Variants in FRY observed in about 807,000 individuals in gnomAD.
FRY encodes the protein FRY microtubule binding protein, also known as protein furry homolog.
A neutral mutation model predicts 348.4 loss-of-function variants in FRY; 128 were observed. The ratio of observed to expected loss-of-function variants is 0.37; its 90% CI spans 0.32 to 0.43. The LOEUF (loss-of-function observed/expected upper bound fraction) is 0.43. FRY is among the 20% of genes least tolerant of loss of function. The pLI is 1.00. For missense variants in FRY, 2,736 were observed against 3,695.2 expected, an observed-to-expected ratio of 0.74 and a Z score of 6.73; for synonymous variants, 1,370 against 1,374.7, an observed-to-expected ratio of 1.00 and a Z score of 0.08.
intron 35 of FRY, 85 bp downstream of exon 35, chr13:32,212,467 C>A: frequency 2.3e-6 from 2 of 870,768 alleles, no homozygotes; most frequent in South Asian, 3.0e-5. Context: ...TGTGGAGTTT[C>A]ATAAATTTTA....
chr13:32,234,827 A>G (rs1488059529), intron 42 of FRY, 66 bp downstream of exon 42: 6 of 1,274,104 alleles, frequency 4.7e-6, no homozygotes, highest in Admixed American at 3.4e-5. Context: ...GGTGTAAACT[A>G]TTTTTGAGCC....
At chr13:32,275,924 T>G (rs892936831) in intron 56 of FRY, among the ~76,000 whole-genome samples, 1 of 151,556 alleles carries the variant, frequency 6.6e-6, no homozygotes, top group Non-Finnish European at 1.5e-5. Flanking sequence ...CATCACATGC[T>G]CAGTAATTAC....
intron 1 of FRY, among the ~76,000 whole-genome samples, chr13:32,035,468 G>T (rs1872462163): frequency 6.6e-6 from 1 of 152,182 alleles, no homozygotes; most frequent in Non-Finnish European, 1.5e-5. Flanking sequence ...TCTTAGGTTT[G>T]CTAGAGAACA....
chr13:32,224,304 C>T lies in FRY; in HGVS notation c.4835C>T (p.Pro1612Leu), dbSNP rs201815481. Residue 1612 changes from proline to leucine, a missense_variant, in exon 37 of 61, where the codon CCG becomes CTG. Coordinates refer to ENST00000542859, the MANE Select transcript of FRY (RefSeq NM_023037.3). ...GAGACCAAGCAGCCGCAGCCCTTAC[C>T]GATGCCTTGTACTGGAGGATGCTGG... ...ITETKQPQPL[P>L]MPCTGGCWAP... 5 of 1,613,882 alleles carry T rather than the reference C, an allele frequency of 3.1e-6. No homozygotes were observed. Among genetic ancestry groups the T allele is most frequent in the South Asian group, 2.2e-5 (2 of 91,080 alleles).
chr13:32,083,293 G>T (rs1593592902), intron 2 of FRY, among the ~76,000 whole-genome samples: 1 of 152,118 alleles, frequency 6.6e-6, no homozygotes, highest in East Asian at 1.9e-4. Flanking sequence ...AGTTCTCTTT[G>T]AAAGTCTACT....
intron 50 of FRY, 51 bp from the exon 51 acceptor site, chr13:32,254,173 C>T (rs745401596): frequency 7.5e-6 from 12 of 1,594,412 alleles, no homozygotes; most frequent in Admixed American, 1.7e-5. Context: ...TTTCGTAGCA[C>T]AAACAACCAA....
chr13:32,048,056 T>TA (rs1194104484), intron 1 of FRY, among the ~76,000 whole-genome samples: 2 of 152,230 alleles, frequency 1.3e-5, no homozygotes, highest in Non-Finnish European at 2.9e-5. Context: ...GTAACTGCTT[T>TA]ACCTGTCTGG....
chr13:32,053,995 A>C (rs1323726632), intron 1 of FRY, among the ~76,000 whole-genome samples: 1 of 152,220 alleles, frequency 6.6e-6, no homozygotes, highest in Non-Finnish European at 1.5e-5. Flanking sequence ...CTCTCAAAAA[A>C]AATTAAAAAT....
At chr13:32,188,964 G>T (rs1003531306) in intron 28 of FRY, among the ~76,000 whole-genome samples, 1 of 152,058 alleles carries the variant, frequency 6.6e-6, no homozygotes, top group Non-Finnish European at 1.5e-5. Context: ...TATTGTGTCT[G>T]CTGTTAATCG....
chr13:32,130,073 T>TC (rs1225275141), intron 7 of FRY, among the ~76,000 whole-genome samples: 3 of 144,582 alleles, frequency 2.1e-5, no homozygotes, highest in African/African-American at 7.8e-5. Flanking sequence ...TTTTTTTTTT[T>TC]CCGGTGAGAC....
In FRY at chr13:32,255,333, A is replaced by G. The variant is rs890028982; in HGVS notation, c.7416+939A>G. Among the ~76,000 whole-genome samples, 7 of 152,236 alleles carry G rather than the reference A, an allele frequency of 4.6e-5. No homozygotes were observed. The South Asian group carries it at 1.5e-3, about 32-fold the overall frequency. On this transcript the variant is annotated intron_variant, in intron 51 of 60. Coordinates refer to ENST00000542859, the MANE Select transcript of FRY (RefSeq NM_023037.3). ...TTAGGATTTCCTGCAGTAGGTAGGC[A>G]CCTCCTTACTTAACTACAGGCTTGT...
chr13:32,085,826 C>A (rs772238033), intron 2 of FRY: 1 of 517,080 alleles, frequency 1.9e-6, no homozygotes. Context: ...CTGTCAGGTG[C>A]CTGTCCTGAG....
At chr13:32,274,570 GGCA>G (rs1888404393) in intron 55 of FRY, among the ~76,000 whole-genome samples, 1 of 151,660 alleles carries the variant, frequency 6.6e-6, no homozygotes, top group Admixed American at 6.6e-5. Flanking sequence ...CAGGCGTGGT[GGCA>G]GGCACCTGTA....
chr13:32,141,045 A>T (rs761065001), intron 11 of FRY, among the ~76,000 whole-genome samples: 1 of 152,180 alleles, frequency 6.6e-6, no homozygotes, highest in Non-Finnish European at 1.5e-5. Context: ...TTTACTATTA[A>T]TCTCATTTCT....
intron 18 of FRY, among the ~76,000 whole-genome samples, chr13:32,173,037 A>C (rs1225214103): frequency 6.6e-6 from 1 of 152,250 alleles, no homozygotes; most frequent in Non-Finnish European, 1.5e-5. Context: ...AACTTTGGCC[A>C]CTTTGATTGT....
chr13:32,262,932 A>G (rs764484227), intron 53 of FRY, among the ~76,000 whole-genome samples: 1 of 152,272 alleles, frequency 6.6e-6, no homozygotes, highest in Admixed American at 6.5e-5. Context: ...GCCTTTTGGC[A>G]TACTATCAGA....
chr13:32,091,650 G>A (rs1289011682), intron 2 of FRY, among the ~76,000 whole-genome samples: 2 of 152,194 alleles, frequency 1.3e-5, no homozygotes, highest in Middle Eastern at 6.3e-3. Flanking sequence ...CATGGGGTGA[G>A]GAAGCTCACC....
intron 11 of FRY, among the ~76,000 whole-genome samples, chr13:32,140,135 A>G (rs931294540): frequency 3.5e-4 from 53 of 151,950 alleles, no homozygotes; most frequent in African/African-American, 1.2e-3. Flanking sequence ...GAAACACATG[A>G]ATTATTTGAT....
chr13:32,180,795 G>A (rs1244408731), intron 23 of FRY, among the ~76,000 whole-genome samples: 1 of 152,180 alleles, frequency 6.6e-6, no homozygotes, highest in African/African-American at 2.4e-5. Flanking sequence ...AAGCATTTAT[G>A]AGAAACCCTA....
Sources: allele counts gnomAD v4.1 joint callset (sites outside exome capture counted in the v4.1 genomes callset), GRCh38; gene constraint gnomAD v4.1.1; transcripts MANE v1.5; gene names NCBI Gene and HGNC (gene_info 2026-07-23, HGNC 2026-07-21).